PNKD: variants seen among roughly 807,000 people sequenced by gnomAD.
The protein encoded by PNKD is PNKD metallo-beta-lactamase domain containing.
In PNKD, 36 loss-of-function variants were observed where a neutral mutation model predicts 45.3. The ratio of observed to expected loss-of-function variants is 0.80; its 90% CI spans 0.61 to 1.05. The LOEUF (loss-of-function observed/expected upper bound fraction) is 1.05. PNKD is among the 50% of genes least tolerant of loss of function. PNKD has a pLI of 0.00. For synonymous variants in PNKD, 197 were observed against 210.1 expected (o/e 0.94, Z 0.54); for missense variants, 511 against 506.6 (o/e 1.01, Z -0.08).
At chr2:218,323,208 G>T in intron 2 of PNKD, 2 of 1,416,688 alleles carry the variant, frequency 1.4e-6, no homozygotes, top group Non-Finnish European at 1.8e-6. Flanking sequence ...GGGGGGCCGG[G>T]GCCGGGCCGT....
chr2:218,343,658 C>T (rs1359491443), intron 8 of PNKD, 72 bp downstream of exon 8: 12 of 1,133,962 alleles, frequency 1.1e-5, no homozygotes, highest in Non-Finnish European at 1.6e-5. Context: ...TTCCCACCCC[C>T]TCACTCCCCT....
chr2:218,344,850 C>T lies in PNKD; in HGVS notation c.1027C>T (p.Leu343=). The change falls in exon 10 of 10, where the codon CTG becomes TTG. Residue 343 remains leucine, a synonymous_variant. Coordinates refer to ENST00000273077, the MANE Select transcript of PNKD (RefSeq NM_015488.5). The stretch of plus-strand genomic sequence containing the variant: ...AGAGGAGCGCTCCTACAACCCGTTC[C>T]TGAGAACCCACTGCCTGGCGCTACA... ...LGEERSYNPF[L]RTHCLALQEA... is the part of the protein sequence containing the mutation. The T allele has an allele frequency of 6.2e-7, 1 of 1,614,044 alleles. No individual in the cohort carries two copies. The highest frequency in any genetic ancestry group is 8.5e-7 in the Non-Finnish European group (1 of 1,179,874).
chr2:218,342,136 C>T lies in PNKD; in HGVS notation c.773C>T (p.Ser258Phe), dbSNP rs777714592. Residue 258 changes from serine to phenylalanine, a missense_variant, in exon 7 of 10, where the codon TCT (serine) becomes TTT (phenylalanine). Ser to Phe is a radical substitution (Grantham distance 155). Transcript: ENST00000273077. Reference protein sequence around the residue: ...CLFSGDLLFLSGCGRTFEGNA... With the variant: ...CLFSGDLLFLFGCGRTFEGNA... The stretch of plus-strand genomic sequence containing the variant: ...TTCTCAGGGGACCTGCTCTTCCTCT[C>T]TGGCTGTGGTGAGTTTCCCCGAAAG... 3.1e-6 allele frequency: 5 copies of T among 1,612,916 alleles called. No individual in the cohort carries two copies. Among genetic ancestry groups the T allele is most frequent in the Non-Finnish European group, 4.2e-6 (5 of 1,179,810 alleles).
chr2:218,277,873 T>C lies in PNKD; in HGVS notation c.236+6324T>C. ...TCCTTCTGAAATGGGTCCCCATCCC[T>C]TCCCTGGGAGCAGTCTCCCTCACAG... is the stretch of plus-strand genomic sequence containing the variant. On this transcript the variant is annotated intron_variant, in intron 2 of 9. Transcript: ENST00000273077. 4 of 1,609,368 alleles carry C rather than the reference T, an allele frequency of 2.5e-6. No homozygotes were observed. In the South Asian group the frequency reaches 3.3e-5, roughly 13 times the overall value.
At position 218,277,449 on chromosome 2, in the gene PNKD, A is replaced by G. The variant is rs1242307230; in HGVS notation, c.236+5900A>G. The G allele has an allele frequency of 1.9e-6, 3 of 1,614,144 alleles. No individual in the cohort carries two copies. The Admixed American group carries it at 5.0e-5, about 27-fold the overall frequency. On this transcript the variant is annotated intron_variant, in intron 2 of 9. Transcript: ENST00000273077. The stretch of plus-strand genomic sequence containing the variant: ...GCAATGATGACGGCTTTGGTTTGGT[A>G]CATACTGGGGAGAAGCAGGAGTTAC...
At chr2:218,324,343 GCCTAAGC>G (rs1490314351) in intron 2 of PNKD, among the ~76,000 whole-genome samples, 2 of 152,228 alleles carry the variant, frequency 1.3e-5, no homozygotes, top group Non-Finnish European at 2.9e-5. Flanking sequence ...TGTGGGGAGA[GCCTAAGC>G]CTGGGAATTT....
intron 2 of PNKD, among the ~76,000 whole-genome samples, chr2:218,310,097 CA>C (rs1223538130): frequency 6.6e-6 from 1 of 152,188 alleles, no homozygotes; most frequent in Non-Finnish European, 1.5e-5. Context: ...TCCTCCTAAA[CA>C]AACTGCTCCC....
chr2:218,341,369 C>G (rs1043268535), intron 5 of PNKD, among the ~76,000 whole-genome samples, 165 bp from the exon 6 acceptor site: 8 of 152,196 alleles, frequency 5.3e-5, no homozygotes, highest in Non-Finnish European at 1.0e-4. Flanking sequence ...GGGCGATGTT[C>G]TGGGCAAGGG....
Position 218,315,057 on chromosome 2 carries a change from T to TCTTTCTTTCTTTCTTCCTTCTTTCCTTC in PNKD, c.237-24723_237-24722insTCTTTCTTTCTTCCTTCTTTCCTTCCTT, listed in dbSNP as rs61429059. 3.6e-5 allele frequency among the ~76,000 whole-genome samples: 2 copies of TCTTTCTTTCTTTCTTCCTTCTTTCCTTC among 55,544 alleles called. 1 individual carries two copies. The highest frequency in any genetic ancestry group is 1.3e-3 in the South Asian group (2 of 1,536). 36.4% of individuals were successfully genotyped at this position (55,544 alleles called of 152,430 possible). On this transcript the variant is annotated intron_variant, in intron 2 of 9. Coordinates refer to ENST00000273077, the MANE Select transcript of PNKD (RefSeq NM_015488.5). ...CTTTCTTTTTCTTTCTTTCTTTCTT[T>TCTTTCTTTCTTTCTTCCTTCTTTCCTTC]CTTCCTTCCTTCCTTCCTTTCTTTC...
Position 218,344,992 on chromosome 2 carries a change from G to A in PNKD, c.*11G>A, listed in dbSNP as rs561540264. The A allele has an allele frequency of 3.1e-5, 49 of 1,605,100 alleles. No homozygotes were observed. In the South Asian group the frequency reaches 3.6e-4, roughly 12 times the overall value. On this transcript the variant is annotated 3_prime_UTR_variant, in exon 10 of 10. Transcript: ENST00000273077. ...CACAAGAGCAAGTGATGCCCCCAGC[G>A]CCCCCAGCCCAGCCCACTCCCCGCA...
intron 2 of PNKD, among the ~76,000 whole-genome samples, chr2:218,287,958 T>A (rs1692650806): frequency 6.6e-6 from 1 of 152,214 alleles, no homozygotes; most frequent in Non-Finnish European, 1.5e-5. Flanking sequence ...CAAGTCAGGA[T>A]GGCCTGGGAG....
chr2:218,323,489 G>T, intron 2 of PNKD: 1 of 1,381,508 alleles, frequency 7.2e-7, no homozygotes, highest in South Asian at 1.4e-5. Flanking sequence ...TGGGAGAGGG[G>T]ACTGGGAGGC....
chr2:218,271,707 G>A (rs1690840679), intron 2 of PNKD, among the ~76,000 whole-genome samples, 158 bp downstream of exon 2: 1 of 152,216 alleles, frequency 6.6e-6, no homozygotes, highest in Non-Finnish European at 1.5e-5. Flanking sequence ...TGGGGCAGTG[G>A]AGGTGGGAAA....
At chr2:218,327,346 A>G (rs1020000530) in intron 2 of PNKD, among the ~76,000 whole-genome samples, 1 of 152,154 alleles carries the variant, frequency 6.6e-6, no homozygotes, top group Admixed American at 6.5e-5. Flanking sequence ...CAGAAGCCTG[A>G]TGGAAGGGTC....
At chr2:218,319,177 A>G (rs1693907568) in intron 2 of PNKD, among the ~76,000 whole-genome samples, 1 of 150,238 alleles carries the variant, frequency 6.7e-6, no homozygotes, top group Non-Finnish European at 1.5e-5. Flanking sequence ...CTGGTCTCGA[A>G]CTCCTGACCT....
At chr2:218,290,320 G>A (rs941396327) in intron 2 of PNKD, among the ~76,000 whole-genome samples, 1 of 152,102 alleles carries the variant, frequency 6.6e-6, no homozygotes, top group African/African-American at 2.4e-5. Context: ...CACTTTTATC[G>A]AGGCAAACCT....
At chr2:218,315,641 T>G (rs1271946103) in intron 2 of PNKD, among the ~76,000 whole-genome samples, 1 of 152,244 alleles carries the variant, frequency 6.6e-6, no homozygotes, top group Non-Finnish European at 1.5e-5. Flanking sequence ...TAGAAAATCC[T>G]CTGCTATCCA....
chr2:218,277,259 G>A, intron 2 of PNKD: 4 of 1,193,154 alleles, frequency 3.4e-6, no homozygotes, highest in South Asian at 1.2e-5. Flanking sequence ...AGGTGCGGAT[G>A]AGGAGAAGGG....
chr2:218,288,216 C>A (rs1692672640), intron 2 of PNKD, among the ~76,000 whole-genome samples: 1 of 152,276 alleles, frequency 6.6e-6, no homozygotes, highest in South Asian at 2.1e-4. Flanking sequence ...ATCACGAGGT[C>A]AGGAGATCGA....
Sources: allele counts gnomAD v4.1 joint callset (sites outside exome capture counted in the v4.1 genomes callset), GRCh38; gene constraint gnomAD v4.1.1; transcripts MANE v1.5; gene names NCBI Gene and HGNC (gene_info 2026-07-23, HGNC 2026-07-21).